The following FARS2 variants were observed in gnomAD, a reference collection of about 807,000 sequenced individuals.
FARS2 encodes the protein phenylalanyl-tRNA synthetase 2, mitochondrial.
FARS2 carries 40 observed loss-of-function variants against 46.4 expected under a neutral mutation model. That is an observed-to-expected ratio of 0.86 (90% CI 0.67 to 1.12). FARS2 has a LOEUF of 1.12. FARS2 is among the 50% of genes most tolerant of loss of function. The pLI is 0.00. For synonymous variants in FARS2, 234 were observed against 214.9 expected (o/e 1.09, Z -0.78); for missense variants, 513 against 567.9 (o/e 0.90, Z 0.98).
At chr6:5,483,986 A>G (rs79041495) in intron 4 of FARS2, among the ~76,000 whole-genome samples, 3 of 152,058 alleles carry the variant, frequency 2.0e-5, no homozygotes, top group Admixed American at 2.0e-4. Context: ...CTTACAGGCA[A>G]TAGCTACTGA....
At chr6:5,427,518 C>T (rs1483324296) in intron 3 of FARS2, among the ~76,000 whole-genome samples, 1 of 152,216 alleles carries the variant, frequency 6.6e-6, no homozygotes, top group Non-Finnish European at 1.5e-5. Flanking sequence ...TAAAACGAAA[C>T]TGAGCAGAGG....
At chr6:5,658,135 A>T (rs1039631031) in intron 6 of FARS2, among the ~76,000 whole-genome samples, 1 of 152,136 alleles carries the variant, frequency 6.6e-6, no homozygotes, top group Non-Finnish European at 1.5e-5. Flanking sequence ...GCATGTCTGT[A>T]ATCCCAGCTA....
chr6:5,521,103 T>C (rs1769106137), intron 4 of FARS2, among the ~76,000 whole-genome samples: 1 of 148,926 alleles, frequency 6.7e-6, no homozygotes, highest in African/African-American at 2.5e-5. Flanking sequence ...TTCGTTTCCC[T>C]TTTAAATTAT....
At chr6:5,513,651 T>C (rs1768591835) in intron 4 of FARS2, among the ~76,000 whole-genome samples, 1 of 152,212 alleles carries the variant, frequency 6.6e-6, no homozygotes, top group South Asian at 2.1e-4. Context: ...CTCTTCTGTG[T>C]GTGCAGGGAG....
At chr6:5,250,734 G>C in the FARS2 span, among the ~76,000 whole-genome samples, 2 of 152,144 alleles carry the variant, frequency 1.3e-5, no homozygotes, top group African/African-American at 4.8e-5. Context: ...CGTAAGAACT[G>C]ATATGGAAAC....
At chr6:5,406,825 A>T (rs994031168) in intron 3 of FARS2, among the ~76,000 whole-genome samples, 1 of 151,496 alleles carries the variant, frequency 6.6e-6, no homozygotes, top group Admixed American at 6.6e-5. Context: ...TATTATCTGA[A>T]GGGTTGCACC....
intron 6 of FARS2, among the ~76,000 whole-genome samples, chr6:5,670,768 G>T (rs1319902679): frequency 6.6e-6 from 1 of 152,106 alleles, no homozygotes; most frequent in East Asian, 1.9e-4. Context: ...TTTAAGTGCT[G>T]CCATGCAGTG....
At chr6:5,743,005 T>A (rs910032645) in intron 6 of FARS2, among the ~76,000 whole-genome samples, 4 of 151,562 alleles carry the variant, frequency 2.6e-5, no homozygotes, top group Non-Finnish European at 5.9e-5. Context: ...TGTGTGAGGG[T>A]GGAGTGGGGT....
intron 4 of FARS2, among the ~76,000 whole-genome samples, chr6:5,487,471 A>G (rs191882210): frequency 7.2e-5 from 11 of 152,320 alleles, no homozygotes; most frequent in African/African-American, 1.7e-4. Flanking sequence ...ACATACCTCA[A>G]TGATATGTTT....
chr6:5,454,130 G>GT (rs896178148), intron 4 of FARS2, among the ~76,000 whole-genome samples: 3 of 145,814 alleles, frequency 2.1e-5, no homozygotes, highest in South Asian at 2.2e-4. Flanking sequence ...TGGTTTGTTT[G>GT]TTTTTTTCAA....
chr6:5,738,038 A>G (rs1162054011), intron 6 of FARS2, among the ~76,000 whole-genome samples: 3 of 152,130 alleles, frequency 2.0e-5, no homozygotes, highest in South Asian at 4.1e-4. Context: ...GTGATCTTGA[A>G]TTCTTAGGCT....
At chr6:5,660,230 G>C (rs979391588) in intron 6 of FARS2, among the ~76,000 whole-genome samples, 1 of 152,222 alleles carries the variant, frequency 6.6e-6, no homozygotes, top group Non-Finnish European at 1.5e-5. Flanking sequence ...AAAGGCAGAC[G>C]TGGCTGATGT....
intron 6 of FARS2, among the ~76,000 whole-genome samples, chr6:5,636,131 A>T (rs985904482): frequency 6.6e-6 from 1 of 151,986 alleles, no homozygotes; most frequent in African/African-American, 2.4e-5. Flanking sequence ...CTCTTTGGAG[A>T]TGTTAATGAG....
At chr6:5,645,943 T>G (rs1473941990) in intron 6 of FARS2, among the ~76,000 whole-genome samples, 1 of 152,182 alleles carries the variant, frequency 6.6e-6, no homozygotes, top group Non-Finnish European at 1.5e-5. Context: ...GAGGCATTTT[T>G]ACATGTTTTT....
intron 4 of FARS2, among the ~76,000 whole-genome samples, chr6:5,475,446 T>C (rs1452196339): frequency 2.0e-5 from 3 of 152,176 alleles, no homozygotes; most frequent in African/African-American, 7.2e-5. Context: ...TTATAGTCAG[T>C]GAGTTGAGGG....
intron 5 of FARS2, among the ~76,000 whole-genome samples, chr6:5,597,970 A>G (rs1774295542): frequency 6.6e-6 from 1 of 152,022 alleles, no homozygotes. Flanking sequence ...CTACCCATGA[A>G]GCCGCCACCG....
At chr6:5,484,223 A>G (rs1261537513) in intron 4 of FARS2, among the ~76,000 whole-genome samples, 1 of 152,260 alleles carries the variant, frequency 6.6e-6, no homozygotes, top group Admixed American at 6.5e-5. Flanking sequence ...AAAAGTAATC[A>G]TAATGGTTGA....
chr6:5,468,885 T>G (rs1229346143), intron 4 of FARS2, among the ~76,000 whole-genome samples: 2 of 152,236 alleles, frequency 1.3e-5, no homozygotes, highest in African/African-American at 4.8e-5. Context: ...TTTGGAATGA[T>G]GAAGTTTAAG....
chr6:5,751,037 G>T (rs985470028), intron 6 of FARS2, among the ~76,000 whole-genome samples: 9 of 152,072 alleles, frequency 5.9e-5, no homozygotes, highest in Admixed American at 5.9e-4. Context: ...GGGCTGGGCC[G>T]GAATCCTAAC....
Sources: gnomAD v4.1 joint callset for allele counts (sites outside exome capture counted in the v4.1 genomes callset) on GRCh38, gnomAD v4.1.1 for gene constraint, MANE v1.5 for transcripts, NCBI Gene and HGNC (gene_info 2026-07-23, HGNC 2026-07-21) for gene names.